NCAM1: variants seen among roughly 807,000 people sequenced by gnomAD.
NCAM1 encodes antigen recognized by monoclonal antibody 5.1H11.
In NCAM1, 14 loss-of-function variants were observed where a neutral mutation model predicts 109.8. That is an observed-to-expected ratio of 0.13 (90% CI 0.08 to 0.20). The LOEUF (loss-of-function observed/expected upper bound fraction) is 0.20, where lower values mean the gene tolerates loss of function less well. NCAM1 is among the 10% of genes least tolerant of loss of function. The pLI, the probability that NCAM1 is intolerant of heterozygous loss-of-function variation, is 1.00. For synonymous variants in NCAM1, 418 were observed against 442.9 expected, an observed-to-expected ratio of 0.94 and a Z score of 0.70; for missense variants, 774 against 1,109.9, an observed-to-expected ratio of 0.70 and a Z score of 4.30.
intron 1 of NCAM1, among the ~76,000 whole-genome samples, chr11:113,084,650 GCTC>G (rs1938997264): frequency 6.6e-6 from 1 of 152,176 alleles, no homozygotes; most frequent in African/African-American, 2.4e-5. Context: ...CTGATTCGGT[GCTC>G]CTCTGCTGCA....
intron 1 of NCAM1, among the ~76,000 whole-genome samples, chr11:113,121,582 T>C (rs1940964307): frequency 6.9e-6 from 1 of 144,524 alleles, no homozygotes; most frequent in South Asian, 2.3e-4. Context: ...AGAAAGGGGC[T>C]TTTGAGAAGA....
At chr11:112,993,315 T>C (rs896390078) in intron 1 of NCAM1, among the ~76,000 whole-genome samples, 13 of 151,868 alleles carry the variant, frequency 8.6e-5, no homozygotes, top group Admixed American at 2.6e-4. Flanking sequence ...TGACAGAGAG[T>C]TGGGGGTGGG....
intron 1 of NCAM1, among the ~76,000 whole-genome samples, chr11:113,037,016 A>G (rs1952909926): frequency 6.6e-6 from 1 of 151,978 alleles, no homozygotes; most frequent in Non-Finnish European, 1.5e-5. Context: ...TTTAACTACC[A>G]TCCTTATTAA....
chr11:113,257,423 T>G (rs1186410222), intron 16 of NCAM1, among the ~76,000 whole-genome samples: 2 of 152,230 alleles, frequency 1.3e-5, no homozygotes, highest in African/African-American at 2.4e-5. Context: ...CTTATTGAGT[T>G]GTTATAAAGA....
At chr11:113,068,966 C>T (rs1365614778) in intron 1 of NCAM1, among the ~76,000 whole-genome samples, 5 of 152,064 alleles carry the variant, frequency 3.3e-5, no homozygotes, top group African/African-American at 7.2e-5. Flanking sequence ...ATGTGAGTAA[C>T]GTTTGTGCTA....
rs575876594 is a variant in NCAM1, at chr11:113,143,663, T to C, written c.53-58716T>C. ...AAAATTCTGCCAGGTAAGTAAATAA[T>C]TGATTAATCATCCCCCAGTTAAACC... On this transcript the variant is annotated intron_variant, in intron 1 of 19. Transcript: ENST00000316851. Among the ~76,000 whole-genome samples, 162 of 152,354 alleles carry C rather than the reference T, an allele frequency of 1.1e-3. No individual in the cohort carries two copies. The Middle Eastern group carries it at 0.017, about 16-fold the overall frequency.
intron 1 of NCAM1, among the ~76,000 whole-genome samples, chr11:112,967,539 G>A (rs1297145616): frequency 9.2e-5 from 14 of 152,140 alleles, no homozygotes; most frequent in African/African-American, 2.9e-4. Context: ...TTCCTCTTCC[G>A]TGAGATCGGA....
chr11:113,171,971 C>G (rs1943009979), intron 1 of NCAM1, among the ~76,000 whole-genome samples: 1 of 152,134 alleles, frequency 6.6e-6, no homozygotes, highest in East Asian at 1.9e-4. Flanking sequence ...ACTTGGAGAT[C>G]AGAGTTATGC....
intron 1 of NCAM1, among the ~76,000 whole-genome samples, chr11:113,028,321 A>G (rs1555077743): frequency 6.6e-6 from 1 of 152,180 alleles, no homozygotes; most frequent in Non-Finnish European, 1.5e-5. Context: ...TTATGTGTCA[A>G]TTATAAACAC....
At chr11:113,208,090 T>G (rs1555113193) in intron 7 of NCAM1, 88 bp downstream of exon 7, 1 of 1,425,382 alleles carries the variant, frequency 7.0e-7, no homozygotes, top group South Asian at 1.3e-5. Flanking sequence ...CTGGCCACTG[T>G]CCCTCAGAAC....
chr11:113,081,644 C>T (rs1376985417), intron 1 of NCAM1, among the ~76,000 whole-genome samples: 1 of 152,088 alleles, frequency 6.6e-6, no homozygotes, highest in Non-Finnish European at 1.5e-5. Context: ...AGTGATTCTC[C>T]TACCTCAGCC....
chr11:113,169,717 T>A (rs1398740582), intron 1 of NCAM1, among the ~76,000 whole-genome samples: 1 of 149,650 alleles, frequency 6.7e-6, no homozygotes, highest in Non-Finnish European at 1.5e-5. Flanking sequence ...AACCTCGGCC[T>A]TCCGGGTTCA....
intron 1 of NCAM1, among the ~76,000 whole-genome samples, chr11:113,142,805 A>T (rs1340115877): frequency 1.3e-5 from 2 of 152,194 alleles, no homozygotes; most frequent in Non-Finnish European, 2.9e-5. Context: ...GAGTTAGGAT[A>T]CTAACGTATC....
chr11:113,236,290 G>A (rs1555118259), intron 14 of NCAM1: 1 of 1,613,114 alleles, frequency 6.2e-7, no homozygotes, highest in East Asian at 2.2e-5. Flanking sequence ...TTCCATCCAT[G>A]GGAAATGCAG....
intron 1 of NCAM1, among the ~76,000 whole-genome samples, chr11:113,115,719 T>G (rs1555094718): frequency 2.6e-5 from 4 of 152,230 alleles, no homozygotes; most frequent in Non-Finnish European, 5.9e-5. Context: ...GTGGATGCTC[T>G]GAAGGAGGCT....
At chr11:113,101,676 T>G (rs929212991) in intron 1 of NCAM1, among the ~76,000 whole-genome samples, 25 of 152,226 alleles carry the variant, frequency 1.6e-4, no homozygotes, top group African/African-American at 5.8e-4. Context: ...TGATCAAAAC[T>G]TTAGGAATAA....
chr11:113,059,351 C>T (rs1444254970), intron 1 of NCAM1, among the ~76,000 whole-genome samples: 1 of 152,216 alleles, frequency 6.6e-6, no homozygotes, highest in East Asian at 1.9e-4. Flanking sequence ...CTTAAAACAG[C>T]TGCCTTCTTT....
rs6589347 is a variant in NCAM1 at position 112,961,636 on chromosome 11, C to A, written c.24C>A (p.Ile8=). The A allele has an allele frequency of 2.0e-6, 3 of 1,501,128 alleles. No homozygotes were observed. 93.0% of individuals were successfully genotyped at this position (1,501,128 alleles called of 1,614,324 possible). The change falls in exon 1 of 20, where the codon ATC becomes ATA. Residue 8 remains isoleucine (I), a synonymous_variant. Transcript: ENST00000316851. ...CAATGCTGCAAACTAAGGATCTCAT[C>A]TGGACTTTGTTTTTCCTGGGAACTG... is the stretch of plus-strand genomic sequence containing the variant. MLQTKDL[I]WTLFFLGTAV...
chr11:113,141,224 G>A (rs1565459819), intron 1 of NCAM1, among the ~76,000 whole-genome samples: 1 of 152,212 alleles, frequency 6.6e-6, no homozygotes, highest in Non-Finnish European at 1.5e-5. Context: ...AGGCCCTCCA[G>A]TCCTCTGCTG....
Sources: gnomAD v4.1 joint callset for allele counts (sites outside exome capture counted in the v4.1 genomes callset) on GRCh38, gnomAD v4.1.1 for gene constraint, MANE v1.5 for transcripts, NCBI Gene and HGNC (gene_info 2026-07-23, HGNC 2026-07-21) for gene names.